The following CFAP46 variants were observed in gnomAD, a reference collection of about 807,000 sequenced individuals.
CFAP46 encodes cilia and flagella associated protein 46, also known as cilia- and flagella-associated protein 46.
A neutral mutation model predicts 325.7 loss-of-function variants in CFAP46; 245 were observed. That is an observed-to-expected ratio of 0.75 (90% CI 0.68 to 0.84). The LOEUF is 0.84. Among genes scored for constraint, CFAP46 ranks in the 40% least tolerant of loss-of-function variants. The pLI is 0.00. For synonymous variants in CFAP46, 1,523 were observed against 1,495.9 expected (o/e 1.02, Z -0.42); for missense variants, 3,346 against 3,543.0 (o/e 0.94, Z 1.41).
intron 19 of CFAP46, among the ~76,000 whole-genome samples, chr10:132,910,881 T>A (rs1039582828): frequency 7.7e-6 from 1 of 130,714 alleles, no homozygotes; most frequent in African/African-American, 3.0e-5. Flanking sequence ...CTCACTCCCC[T>A]GTTCACCACC....
chr10:132,920,066 T>C lies in CFAP46; in HGVS notation c.1723A>G (p.Lys575Glu). 7.1e-6 allele frequency: 11 copies of C among 1,544,638 alleles called. No individual in the cohort carries two copies. The highest frequency in any genetic ancestry group is 9.6e-6 in the Non-Finnish European group (11 of 1,144,580). The change falls in exon 14 of 58, where the codon AAG becomes GAG. Residue 575 changes from lysine (K) to glutamate (E), a missense_variant. Coordinates refer to ENST00000368586, the MANE Select transcript of CFAP46 (RefSeq NM_001200049.3). ...GGCCTTTTCCTCACTCACCTCTCCT[T>C]GTCGTTTTCGTTGCCCAGGCGCCGC... ...HLRRLGNEND[K>E]ERIQIWAELA...
At position 132,926,374 on chromosome 10, in the gene CFAP46, C is replaced by T. The variant is rs142259756; in HGVS notation, c.1065+194G>A. Among the ~76,000 whole-genome samples the T allele has an allele frequency of 6.5e-3, 983 of 152,136 alleles. 15 individuals are homozygous for T. Among genetic ancestry groups the T allele is most frequent in the Non-Finnish European group, 7.5e-3 (509 of 67,994 alleles). ...CACCCCACCAGGGCGGCGTGTAGGCCCCTGTGCGCAGGACAGGGAGTGTGG... is the reference window on the plus strand; with the variant it reads ...CACCCCACCAGGGCGGCGTGTAGGCTCCTGTGCGCAGGACAGGGAGTGTGG... On this transcript the variant is annotated intron_variant, in intron 10 of 57. Transcript: ENST00000368586.
In CFAP46 at chr10:132,827,198, C is replaced by A. The variant is rs142682760; in HGVS notation, c.7117+6160G>T. Among the ~76,000 whole-genome samples, 947 of 152,174 alleles carry A rather than the reference C, an allele frequency of 6.2e-3. 13 individuals are homozygous for A. The highest frequency in any genetic ancestry group is 0.021 in the African/African-American group (871 of 41,528). ...CATGCAGGGCAGACACAACCCCACA[C>A]GGTGCTCGTCAGGGGAAGGCAGGAG... On this transcript the variant is annotated intron_variant, in intron 50 of 57. Transcript: ENST00000368586. This position sits in a 1 kb window ranked among gnomAD's most constrained non-coding sequence, Gnocchi z 5.7.
At chr10:132,821,149 TGCTGATGTGTGCTGTCTGTGC>T (rs1847806328) in intron 50 of CFAP46, among the ~76,000 whole-genome samples, 1 of 105,964 alleles carries the variant, frequency 9.4e-6, no homozygotes. Context: ...GCTGTGTGAG[TGCTGATGTGTGCTGTCTGTGC>T]GCTGATGTGT....
intron 38 of CFAP46, among the ~76,000 whole-genome samples, chr10:132,858,137 T>C (rs969527394): frequency 6.6e-6 from 1 of 152,228 alleles, no homozygotes; most frequent in Non-Finnish European, 1.5e-5. Context: ...AGGTCAGACC[T>C]TGTGGTGGGT....
Position 132,812,825 on chromosome 10 carries a change from G to T in CFAP46, c.7461C>A (p.Ser2487=). 6.2e-7 allele frequency: 1 copy of T among 1,612,350 alleles called. No homozygotes were observed. Residue 2487 remains serine, a synonymous_variant, in exon 55 of 58, where the codon TCC becomes TCA. Transcript: ENST00000368586. ...CGACCAATCTCTCCACTAATATATG[G>T]GACAGGAAGCTCTCCATTCCATAGA... The part of the protein sequence containing the change: ...FFFYGMESFL[S]HILVERLVAM...
At chr10:132,882,255 G>C (rs1849058647) in intron 27 of CFAP46, among the ~76,000 whole-genome samples, 1 of 151,456 alleles carries the variant, frequency 6.6e-6, no homozygotes, top group Admixed American at 6.6e-5. Context: ...GAGTGTGTGA[G>C]TTGTGTGTGG....
At chr10:132,842,279 C>T (rs1369676261) in intron 44 of CFAP46, among the ~76,000 whole-genome samples, 1 of 152,196 alleles carries the variant, frequency 6.6e-6, no homozygotes, top group African/African-American at 2.4e-5. Context: ...ACAGTTCAGC[C>T]AAAGTCTTTG....
chr10:132,810,746 C>G (rs527801754), intron 56 of CFAP46: 1 of 727,668 alleles, frequency 1.4e-6, no homozygotes, highest in African/African-American at 1.7e-5. Context: ...CTCCCGTGGG[C>G]TGGTGCCAGG....
intron 25 of CFAP46, among the ~76,000 whole-genome samples, chr10:132,890,344 A>G (rs909600944): frequency 6.6e-6 from 1 of 152,208 alleles, no homozygotes; most frequent in Non-Finnish European, 1.5e-5. Flanking sequence ...CAAGAATCAC[A>G]TGCCGGGTTG....
chr10:132,891,212 G>T (rs1441215419), intron 25 of CFAP46, among the ~76,000 whole-genome samples: 1 of 152,220 alleles, frequency 6.6e-6, no homozygotes, highest in Non-Finnish European at 1.5e-5. Flanking sequence ...CCCTGGACAA[G>T]GTTCATGTAA....
rs61862354 is a variant in CFAP46 at position 132,885,756 on chromosome 10, C to A, written c.3443+65G>T. The A allele has an allele frequency of 3.5e-4, 426 of 1,210,520 alleles. 5 individuals carry two copies. The East Asian group carries it at 0.011, about 31-fold the overall frequency. The allele number at this position is 1,210,520 out of a possible 1,614,324, so 75.0% of individuals were successfully genotyped here. ...TCACAGGCGGTGTGGGGAGCACTCA[C>A]AGGCGGTGGGGGGAGCACTCAGGCG... On this transcript the variant is annotated intron_variant, in intron 26 of 57. Transcript: ENST00000368586.
At position 132,867,449 on chromosome 10, in the gene CFAP46, TTTC is replaced by T. The variant is rs1270073846; in HGVS notation, c.4666_4668del (p.Glu1556del). 1 of 1,550,574 alleles carries T rather than the reference TTTC, an allele frequency of 6.4e-7. No homozygotes were observed. The highest frequency in any genetic ancestry group is 1.2e-5 in the South Asian group (1 of 84,056). ...GTCTGCTCATTCAGTGCTGGCAGGC[TTTC>T]TTCTAATAAAGGCTCCTTATTTTTC... On this transcript the variant is annotated inframe_deletion, in exon 34 of 58. Coordinates refer to ENST00000368586, the MANE Select transcript of CFAP46 (RefSeq NM_001200049.3).
chr10:132,938,220 A>G lies in CFAP46; in HGVS notation c.536+369T>C, dbSNP rs1850040565. Among the ~76,000 whole-genome samples, 3 of 152,204 alleles carry G rather than the reference A, an allele frequency of 2.0e-5. No individual in the cohort carries two copies. The South Asian group carries it at 6.2e-4, about 32-fold the overall frequency. ...CCTCGCAGGGCTGCCTGGGCTCCGCATGTGCTGACTCTGCTTAGTTTTACG... is the reference window on the plus strand; with the variant it reads ...CCTCGCAGGGCTGCCTGGGCTCCGCGTGTGCTGACTCTGCTTAGTTTTACG... On this transcript the variant is annotated intron_variant, in intron 5 of 57. Coordinates refer to ENST00000368586, the MANE Select transcript of CFAP46 (RefSeq NM_001200049.3).
chr10:132,890,076 G>A (rs1441300972), intron 25 of CFAP46, among the ~76,000 whole-genome samples: 2 of 151,986 alleles, frequency 1.3e-5, no homozygotes, highest in African/African-American at 4.8e-5. Flanking sequence ...CGACTTATTC[G>A]ACCTGTCTGA....
In CFAP46 at chr10:132,912,813, C is replaced by A; in HGVS notation, c.2341G>T (p.Val781Leu). The change falls in exon 19 of 58, where the codon GTG (valine) becomes TTG (leucine). Residue 781 changes from valine (V) to leucine (L), a missense_variant. By Grantham distance (32) the Val-to-Leu change is conservative. Coordinates refer to ENST00000368586, the MANE Select transcript of CFAP46 (RefSeq NM_001200049.3). ...GTGTTGCAGAGCGTCACCAGCATCA[C>A]GGGGTCCCTGGGAGACATGCTTGTC... is the stretch of plus-strand genomic sequence containing the variant. Reference protein sequence around the residue: ...VKATGHSGDPVMLVTLCNTLA... With the variant: ...VKATGHSGDPLMLVTLCNTLA... The A allele has an allele frequency of 6.5e-7, 1 of 1,548,744 alleles. No homozygotes were observed. The highest frequency in any genetic ancestry group is 1.2e-5 in the South Asian group (1 of 84,018).
In CFAP46 at chr10:132,922,555, G is replaced by A; in HGVS notation, c.1410C>T (p.Thr470=). 4.5e-6 allele frequency: 7 copies of A among 1,548,172 alleles called. 1 individual carries two copies. Among genetic ancestry groups the A allele is most frequent in the African/African-American group, 2.7e-5 (2 of 73,162 alleles). ...LYRDRIQMAS[T]RLRLCTTLYQ... is the part of the protein sequence containing the mutation. ...ATAGCGTGGTGCACAGACGCAGCCGGGTGGAGGCCATCTGGATCCTGTCCC... is the reference window on the plus strand; with the variant it reads ...ATAGCGTGGTGCACAGACGCAGCCGAGTGGAGGCCATCTGGATCCTGTCCC... Residue 470 remains threonine, a synonymous_variant, in exon 12 of 58, where the codon ACC becomes ACT. Coordinates refer to ENST00000368586, the MANE Select transcript of CFAP46 (RefSeq NM_001200049.3).
At chr10:132,908,934 C>A (rs571778882) in intron 21 of CFAP46, among the ~76,000 whole-genome samples, 6 of 152,296 alleles carry the variant, frequency 3.9e-5, no homozygotes, top group Admixed American at 1.3e-4. Context: ...GCGTTTGCCT[C>A]GCACCAGGAG....
chr10:132,935,597 T>A (rs1381372212), intron 7 of CFAP46, among the ~76,000 whole-genome samples: 19 of 120,382 alleles, frequency 1.6e-4, no homozygotes, highest in Admixed American at 2.6e-4. Context: ...AAACCCACTG[T>A]GATCTCCTCG....
Sources: allele counts gnomAD v4.1 joint callset (sites outside exome capture counted in the v4.1 genomes callset), GRCh38; gene constraint gnomAD v4.1.1; non-coding constraint Gnocchi (gnomAD v3.1); transcripts MANE v1.5; gene names NCBI Gene and HGNC (gene_info 2026-07-23, HGNC 2026-07-21).